The following LRMDA variants were observed in gnomAD, a reference collection of about 807,000 sequenced individuals.
LRMDA encodes the protein leucine-rich melanocyte differentiation-associated protein.
In LRMDA, 18 loss-of-function variants were observed where a neutral mutation model predicts 29.8. That is an observed-to-expected ratio of 0.60 (90% confidence interval 0.42 to 0.90). The LOEUF is 0.90. Ranked by LOEUF, LRMDA falls within the 40% of genes least tolerant of loss-of-function variation. LRMDA has a pLI of 0.00. For synonymous variants in LRMDA, 125 were observed against 109.4 expected (o/e 1.14, Z -0.89); for missense variants, 273 against 273.9 (o/e 1.00, Z 0.02).
chr10:76,083,449 G>A (rs535777918), intron 5 of LRMDA, among the ~76,000 whole-genome samples: 1 of 152,306 alleles, frequency 6.6e-6, no homozygotes, highest in African/African-American at 2.4e-5. Context: ...TTGGGAACTA[G>A]AGTAAGCTAT....
intron 5 of LRMDA, among the ~76,000 whole-genome samples, chr10:76,266,850 AT>A (rs1422617005): frequency 3.9e-5 from 6 of 152,206 alleles, no homozygotes; most frequent in Non-Finnish European, 5.9e-5. Flanking sequence ...ACAAGTTAGA[AT>A]TTAAAAACTA....
intron 3 of LRMDA, among the ~76,000 whole-genome samples, chr10:76,038,952 G>A (rs1848297370): frequency 6.6e-6 from 1 of 152,186 alleles, no homozygotes; most frequent in South Asian, 2.1e-4. Flanking sequence ...AGGCTCAACT[G>A]GGGCTGGATG....
At chr10:75,551,588 GT>G (rs1840151287) in intron 2 of LRMDA, among the ~76,000 whole-genome samples, 1 of 152,136 alleles carries the variant, frequency 6.6e-6, no homozygotes, top group Non-Finnish European at 1.5e-5. Context: ...GTGGTGTTTG[GT>G]TTTCTGTTCT....
intron 2 of LRMDA, among the ~76,000 whole-genome samples, chr10:75,465,117 A>T (rs535441395): frequency 6.6e-6 from 1 of 152,334 alleles, no homozygotes; most frequent in East Asian, 1.9e-4. Context: ...TTTTAAAAGC[A>T]AAACAAGGCT....
intron 2 of LRMDA, among the ~76,000 whole-genome samples, chr10:75,709,421 C>CGT (rs201841923): frequency 0.018 from 2,687 of 147,364 alleles, 94 homozygotes; most frequent in East Asian, 0.13. Flanking sequence ...TCTGTGTGTA[C>CGT]GTGTGTGTGT....
chr10:75,684,206 G>A (rs1476701616), intron 2 of LRMDA, among the ~76,000 whole-genome samples: 2 of 152,188 alleles, frequency 1.3e-5, no homozygotes, highest in Admixed American at 6.5e-5. Flanking sequence ...GAGAGAAATG[G>A]TAAAATAGAT....
At chr10:76,366,416 C>A (rs1424674183) in intron 6 of LRMDA, among the ~76,000 whole-genome samples, 2 of 152,096 alleles carry the variant, frequency 1.3e-5, no homozygotes, top group Non-Finnish European at 2.9e-5. Flanking sequence ...GTTTAGAAAT[C>A]TGTGATTTCT....
At chr10:76,098,927 A>G (rs1849355100) in intron 5 of LRMDA, among the ~76,000 whole-genome samples, 1 of 152,190 alleles carries the variant, frequency 6.6e-6, no homozygotes, top group Admixed American at 6.5e-5. Flanking sequence ...GCATTGAGTC[A>G]GTTCCTGGGT....
At chr10:76,135,325 G>A (rs1589343276) in intron 5 of LRMDA, among the ~76,000 whole-genome samples, 1 of 152,184 alleles carries the variant, frequency 6.6e-6, no homozygotes, top group South Asian at 2.1e-4. Flanking sequence ...GAGGCATGTG[G>A]TCCCTTTAAG....
At chr10:75,679,813 G>A (rs1053022804) in intron 2 of LRMDA, among the ~76,000 whole-genome samples, 1 of 151,990 alleles carries the variant, frequency 6.6e-6, no homozygotes, top group Non-Finnish European at 1.5e-5. Flanking sequence ...ATGTGGCTTA[G>A]ATTTAATTTC....
intron 5 of LRMDA, among the ~76,000 whole-genome samples, chr10:76,309,019 TAA>T (rs72310338): frequency 5.4e-5 from 8 of 148,570 alleles, no homozygotes; most frequent in South Asian, 4.3e-4. Flanking sequence ...TTAAATGGGT[TAA>T]AAAAAAAAAA....
At chr10:76,128,218 A>G (rs2132132676) in intron 5 of LRMDA, among the ~76,000 whole-genome samples, 1 of 152,342 alleles carries the variant, frequency 6.6e-6, no homozygotes, top group East Asian at 1.9e-4. Flanking sequence ...CTAGATGGCA[A>G]CAGGAGAAGC....
chr10:75,810,848 T>C (rs79402117), intron 2 of LRMDA, among the ~76,000 whole-genome samples: 2,091 of 152,338 alleles, frequency 0.014, 47 homozygotes, highest in African/African-American at 0.048. Flanking sequence ...GCAGATGCTG[T>C]ATAGACACCT....
At chr10:76,482,804 T>C (rs960032432) in intron 6 of LRMDA, among the ~76,000 whole-genome samples, 4 of 151,994 alleles carry the variant, frequency 2.6e-5, no homozygotes, top group Non-Finnish European at 5.9e-5. Context: ...TTCAGTTCAA[T>C]TCAGCAGTTG....
At chr10:75,548,821 T>C (rs921495552) in intron 2 of LRMDA, among the ~76,000 whole-genome samples, 2 of 152,166 alleles carry the variant, frequency 1.3e-5, no homozygotes, top group Non-Finnish European at 2.9e-5. Flanking sequence ...AGGAGCTCAG[T>C]GAAGTTCCAT....
At chr10:76,327,137 G>A (rs901046791) in intron 6 of LRMDA, among the ~76,000 whole-genome samples, 1 of 147,678 alleles carries the variant, frequency 6.8e-6, no homozygotes, top group African/African-American at 2.6e-5. Flanking sequence ...TGTCACCCAG[G>A]CTGGAGTGCA....
At chr10:75,769,799 A>G (rs1314121537) in intron 2 of LRMDA, among the ~76,000 whole-genome samples, 1 of 152,170 alleles carries the variant, frequency 6.6e-6, no homozygotes, top group Non-Finnish European at 1.5e-5. Context: ...ACTGGCCAAT[A>G]TGGTGAAACC....
Position 76,407,468 on chromosome 10 carries a change from C to G in LRMDA, c.601+82983C>G, listed in dbSNP as rs557845954. On this transcript the variant is annotated intron_variant, in intron 6 of 6. Transcript: ENST00000611255. The stretch of plus-strand genomic sequence containing the variant: ...TTAATGTTCTAGAAGTTACTGGGAC[C>G]AGTTTTCATCCAATGCAAGAATAAC... Among the ~76,000 whole-genome samples, 15 of 152,214 alleles carry G rather than the reference C, an allele frequency of 9.9e-5. No individual in the cohort carries two copies. The East Asian group carries it at 2.3e-3, about 24-fold the overall frequency.
intron 5 of LRMDA, among the ~76,000 whole-genome samples, chr10:76,072,998 A>C (rs1848898636): frequency 6.6e-6 from 1 of 152,152 alleles, no homozygotes; most frequent in East Asian, 1.9e-4. Context: ...CAGTGGTCTG[A>C]TTGTGTTTGT....
Sources: allele counts gnomAD v4.1 joint callset (sites outside exome capture counted in the v4.1 genomes callset), GRCh38; gene constraint gnomAD v4.1.1; transcripts MANE v1.5; gene names NCBI Gene and HGNC (gene_info 2026-07-23, HGNC 2026-07-21).